BDH2: variants seen among roughly 807,000 people sequenced by gnomAD.
BDH2 encodes the protein dehydrogenase/reductase SDR family member 6.
Under a neutral mutation model 33.2 loss-of-function variants are expected in BDH2, and 24 were observed. The ratio of observed to expected loss-of-function variants is 0.72; its 90% CI spans 0.52 to 1.02. The LOEUF is 1.02. Ranked by LOEUF, BDH2 falls within the 50% of genes least tolerant of loss-of-function variation. The pLI is 0.00. For synonymous variants in BDH2, 81 were observed against 101.6 expected, an observed-to-expected ratio of 0.80 and a Z score of 1.22; for missense variants, 249 against 301.6, an observed-to-expected ratio of 0.83 and a Z score of 1.29.
At chr4:103,096,482 C>A (rs1052453263) in intron 1 of BDH2, among the ~76,000 whole-genome samples, 1 of 151,192 alleles carries the variant, frequency 6.6e-6, no homozygotes, top group African/African-American at 2.4e-5. Flanking sequence ...GTATATCAAA[C>A]ACATTTACCA....
chr4:103,091,886 C>A (rs992761594), intron 4 of BDH2: 6 of 407,036 alleles, frequency 1.5e-5, no homozygotes, highest in African/African-American at 4.2e-5. Context: ...AGTGTCTGAA[C>A]ATCTCAGAGC....
At chr4:103,088,374 A>G (rs1747903417) in intron 5 of BDH2, among the ~76,000 whole-genome samples, 1 of 152,226 alleles carries the variant, frequency 6.6e-6, no homozygotes, top group Non-Finnish European at 1.5e-5. Context: ...ATGCAATATT[A>G]TCTCAGGCAA....
rs764390998 is a variant in BDH2 at position 103,079,666 on chromosome 4, G to T, written c.*36C>A. 9.4e-6 allele frequency: 15 copies of T among 1,598,360 alleles called. No homozygotes were observed. ...TAACCAGGTTCACTGTGGATAGGAAGGGCCTGCCTTCCTTCCCACCATGGA... is the reference window on the plus strand; with the variant it reads ...TAACCAGGTTCACTGTGGATAGGAATGGCCTGCCTTCCTTCCCACCATGGA... On this transcript the variant is annotated 3_prime_UTR_variant, in exon 10 of 10. Coordinates refer to ENST00000296424, the MANE Select transcript of BDH2 (RefSeq NM_020139.4).
At chr4:103,086,278 A>G in intron 6 of BDH2, 1 of 1,320,360 alleles carries the variant, frequency 7.6e-7, no homozygotes, top group Non-Finnish European at 9.6e-7. Flanking sequence ...AATACCCCAC[A>G]TTTTAATTTA....
intron 1 of BDH2, among the ~76,000 whole-genome samples, chr4:103,096,650 C>T (rs1369508567): frequency 6.6e-6 from 1 of 151,408 alleles, no homozygotes; most frequent in Non-Finnish European, 1.5e-5. Context: ...AAGCAATTCT[C>T]CTGCCGCAGC....
In BDH2 at chr4:103,081,882, C is replaced by A. The variant is rs560563072; in HGVS notation, c.684+199G>T. Among the ~76,000 whole-genome samples, 44 of 152,278 alleles carry A rather than the reference C, an allele frequency of 2.9e-4. 1 individual carries two copies. Among genetic ancestry groups the A allele is most frequent in the Admixed American group, 6.5e-4 (10 of 15,298 alleles). The stretch of plus-strand genomic sequence containing the variant: ...GTTTGCTACAAGATTTTATGTAAAG[C>A]TGAATAAGGAAGAATTAGTGGCTCA... On this transcript the variant is annotated intron_variant, in intron 9 of 9. Transcript: ENST00000296424.
At chr4:103,095,582 C>A (rs1198189550) in intron 2 of BDH2, among the ~76,000 whole-genome samples, 1 of 152,114 alleles carries the variant, frequency 6.6e-6, no homozygotes, top group African/African-American at 2.4e-5. Flanking sequence ...AAATACTGCT[C>A]TTCTGTAATG....
Position 103,079,602 on chromosome 4 carries a change from G to T in BDH2, c.*100C>A. On this transcript the variant is annotated 3_prime_UTR_variant, in exon 10 of 10. Transcript: ENST00000296424. ...AAAAAGAGCTTATTTTCATTAACAT[G>T]TGATTAACAGGAAGGAGATGATTGG... The T allele has an allele frequency of 8.7e-7, 1 of 1,149,352 alleles. No individual in the cohort carries two copies. The highest frequency in any genetic ancestry group is 1.3e-5 in the South Asian group (1 of 77,784). The allele number at this position is 1,149,352 out of a possible 1,614,324, so 71.2% of individuals were successfully genotyped here. A position where few individuals can be genotyped will look rare whatever the true frequency, so the allele number is the denominator to read the frequency against.
chr4:103,093,261 CTG>C (rs1748200314), intron 3 of BDH2, among the ~76,000 whole-genome samples: 2 of 152,080 alleles, frequency 1.3e-5, no homozygotes, highest in South Asian at 4.1e-4. Flanking sequence ...GAATAAGAGA[CTG>C]TTTCTATTTG....
intron 8 of BDH2, 72 bp from the exon 9 acceptor site, chr4:103,082,245 G>T: frequency 2.2e-6 from 3 of 1,335,488 alleles, no homozygotes; most frequent in South Asian, 2.4e-5. Flanking sequence ...CTTGTTCAAG[G>T]AGTTAAAGGC....
chr4:103,084,725 C>G (rs1378795667), intron 7 of BDH2, among the ~76,000 whole-genome samples: 1 of 152,190 alleles, frequency 6.6e-6, no homozygotes, highest in African/African-American at 2.4e-5. Context: ...CGCTGAAATT[C>G]TGTAGCTTGG....
intron 1 of BDH2, chr4:103,098,707 CT>C (rs1748519847): frequency 6.6e-6 from 1 of 152,342 alleles, no homozygotes; most frequent in African/African-American, 2.4e-5. Flanking sequence ...TGGTTTCCTT[CT>C]TTTCCTCCCT....
intron 5 of BDH2, among the ~76,000 whole-genome samples, chr4:103,087,734 A>C (rs1022041519): frequency 6.6e-6 from 1 of 152,240 alleles, no homozygotes; most frequent in African/African-American, 2.4e-5. Flanking sequence ...TAGCTAAATA[A>C]ATATATAATA....
intron 1 of BDH2, among the ~76,000 whole-genome samples, chr4:103,096,512 C>A (rs1297085746): frequency 6.7e-6 from 1 of 149,952 alleles, no homozygotes; most frequent in Middle Eastern, 3.2e-3. Flanking sequence ...GAAGTAATGA[C>A]TGGTGACAGA....
At chr4:103,084,239 G>T (rs2085174065) in intron 7 of BDH2, among the ~76,000 whole-genome samples, 1 of 152,130 alleles carries the variant, frequency 6.6e-6, no homozygotes, top group African/African-American at 2.4e-5. Context: ...TCTTACATAT[G>T]ACTGGTACTA....
chr4:103,096,174 A>T lies in BDH2; in HGVS notation c.72+9T>A, dbSNP rs775118333. On this transcript the variant is annotated intron_variant, in intron 2 of 9. Coordinates refer to ENST00000296424, the MANE Select transcript of BDH2 (RefSeq NM_020139.4). ...AGGCAAACAACAAAGATAGTAACTTATAACTTACTAAGGCAGCTGCTTGGC... is the reference window on the plus strand; with the variant it reads ...AGGCAAACAACAAAGATAGTAACTTTTAACTTACTAAGGCAGCTGCTTGGC... 1.2e-6 allele frequency: 2 copies of T among 1,606,436 alleles called. No homozygotes were observed. Among genetic ancestry groups the T allele is most frequent in the East Asian group, 4.5e-5 (2 of 44,774 alleles).
At chr4:103,095,538 C>A (rs984832045) in intron 2 of BDH2, among the ~76,000 whole-genome samples, 1 of 152,064 alleles carries the variant, frequency 6.6e-6, no homozygotes, top group Non-Finnish European at 1.5e-5. Flanking sequence ...AAATAACGTT[C>A]TTAAAAAAAT....
intron 1 of BDH2, chr4:103,099,180 C>T (rs1458960574): frequency 6.6e-6 from 1 of 152,124 alleles, no homozygotes; most frequent in Non-Finnish European, 1.5e-5. Flanking sequence ...CCTGTAAAGC[C>T]TCCAGTCAAA....
At chr4:103,094,441 C>T (rs1372824780) in intron 3 of BDH2, among the ~76,000 whole-genome samples, 1 of 152,118 alleles carries the variant, frequency 6.6e-6, no homozygotes, top group Non-Finnish European at 1.5e-5. Context: ...TACATACACA[C>T]AGAGGTAACT....
Sources: allele counts gnomAD v4.1 joint callset (sites outside exome capture counted in the v4.1 genomes callset), GRCh38; gene constraint gnomAD v4.1.1; transcripts MANE v1.5; gene names NCBI Gene and HGNC (gene_info 2026-07-23, HGNC 2026-07-21).